Variants in SRL observed in about 807,000 individuals in gnomAD.
SRL encodes sarcalumenin.
In SRL, 23 loss-of-function variants were observed where a neutral mutation model predicts 39.5. The observed-to-expected ratio is 0.58, with a 90% CI of 0.42 to 0.82. The LOEUF is 0.82. Ranked by LOEUF, SRL falls within the 40% of genes least tolerant of loss-of-function variation. The pLI is 0.00. For synonymous variants in SRL, 272 were observed against 237.4 expected, an observed-to-expected ratio of 1.15 and a Z score of -1.34; for missense variants, 592 against 607.8, an observed-to-expected ratio of 0.97 and a Z score of 0.27.
At position 4,192,109 on chromosome 16, in the gene SRL, C is replaced by T. The variant is rs762042796; in HGVS notation, c.*44G>A. 3.6e-5 allele frequency: 55 copies of T among 1,516,774 alleles called. No homozygotes were observed. Among genetic ancestry groups the T allele is most frequent in the Non-Finnish European group, 4.4e-5 (50 of 1,132,538 alleles). 94.0% of individuals were successfully genotyped at this position (1,516,774 alleles called of 1,614,324 possible). A position where few individuals can be genotyped will look rare whatever the true frequency, so the allele number is the denominator to read the frequency against. On this transcript the variant is annotated 3_prime_UTR_variant, in exon 6 of 6. Transcript: ENST00000399609. This position sits in a 1 kb window ranked among gnomAD's most constrained non-coding sequence, Gnocchi z 4.0. ...ACCAGGACCTCTCAGACAGTTAGGA[C>T]ACAAGCTGATTCACCAACAGGAACC... is the stretch of plus-strand genomic sequence containing the variant.
chr16:4,236,544 A>T (rs1567192524), intron 1 of SRL, among the ~76,000 whole-genome samples: 1 of 151,874 alleles, frequency 6.6e-6, no homozygotes, highest in African/African-American at 2.4e-5. Context: ...CTCACTCCTA[A>T]ATGCCCTGAC....
chr16:4,210,486 C>CTTTTTTTTT lies in SRL; in HGVS notation c.62-5861_62-5853dup, dbSNP rs555999418. Among the ~76,000 whole-genome samples the CTTTTTTTTT allele has an allele frequency of 1.7e-3, 181 of 103,978 alleles. 9 individuals are homozygous for CTTTTTTTTT. Among genetic ancestry groups the CTTTTTTTTT allele is most frequent in the African/African-American group, 2.3e-3 (57 of 24,434 alleles). The allele number at this position is 103,978 out of a possible 152,430, so 68.2% of individuals were successfully genotyped here. On this transcript the variant is annotated intron_variant, in intron 1 of 5. Transcript: ENST00000399609. ...TTGGTAAAATGAGTATTACTCATAT[C>CTTTTTTTTT]TTTTTTTTTTTTTTTTTTTTTGAGA...
intron 1 of SRL, among the ~76,000 whole-genome samples, chr16:4,231,854 TA>T (rs2052662813): frequency 6.6e-6 from 1 of 152,220 alleles, no homozygotes; most frequent in Non-Finnish European, 1.5e-5. Context: ...CTTTTAAGCT[TA>T]GAAAGTATCT....
intron 1 of SRL, chr16:4,207,803 C>T (rs955662608): frequency 8.8e-6 from 4 of 455,840 alleles, no homozygotes; most frequent in Non-Finnish European, 1.8e-5. Context: ...CATTCTTTTC[C>T]TCCCCAGGCC....
chr16:4,233,549 T>C (rs543768783), intron 1 of SRL, among the ~76,000 whole-genome samples: 12 of 152,136 alleles, frequency 7.9e-5, no homozygotes, highest in South Asian at 4.1e-4. Flanking sequence ...AGAGTGAGCA[T>C]AGACTGCTGG....
At chr16:4,195,516 C>G in intron 5 of SRL, 37 bp downstream of exon 5, 1 of 1,588,996 alleles carries the variant, frequency 6.3e-7, no homozygotes, top group Non-Finnish European at 8.6e-7. Context: ...TTTTTTGAAA[C>G]AGAGCTTACA....
chr16:4,224,615 G>A (rs1466619701), intron 1 of SRL, among the ~76,000 whole-genome samples: 1 of 152,042 alleles, frequency 6.6e-6, no homozygotes, highest in Non-Finnish European at 1.5e-5. Context: ...GGAGGCTGAG[G>A]CGGGAGGATG....
intron 1 of SRL, among the ~76,000 whole-genome samples, chr16:4,209,278 A>G (rs1567180545): frequency 1.3e-5 from 2 of 151,900 alleles, no homozygotes; most frequent in Non-Finnish European, 2.9e-5. Flanking sequence ...ATCTCAAAAA[A>G]AAAAAGAAAA....
chr16:4,223,089 G>C (rs1406838992), intron 1 of SRL, among the ~76,000 whole-genome samples: 1 of 151,858 alleles, frequency 6.6e-6, no homozygotes, highest in African/African-American at 2.4e-5. Context: ...AAAATTAGCC[G>C]GGCATGGTGA....
At chr16:4,231,577 C>A (rs1465328822) in intron 1 of SRL, among the ~76,000 whole-genome samples, 1 of 152,162 alleles carries the variant, frequency 6.6e-6, no homozygotes, top group Non-Finnish European at 1.5e-5. Flanking sequence ...CCTTTCTCTG[C>A]ACTCTCAGGC....
chr16:4,201,552 TA>T lies in SRL; in HGVS notation c.259+1613del, dbSNP rs1175321240. Among the ~76,000 whole-genome samples, 2 of 137,512 alleles carry T rather than the reference TA, an allele frequency of 1.5e-5. 1 individual carries two copies. The highest frequency in any genetic ancestry group is 3.1e-5 in the Non-Finnish European group (2 of 64,494). The allele number at this position is 137,512 out of a possible 152,430, so 90.2% of individuals were successfully genotyped here. On this transcript the variant is annotated intron_variant, in intron 3 of 5. Transcript: ENST00000399609. Reference sequence around the variant, plus strand: ...TCAGCCTCCCAAACTGCTGGGACTATAGGTGTGAGCCACTGTGCCCGGCCAT... The same window carrying T: ...TCAGCCTCCCAAACTGCTGGGACTATGGTGTGAGCCACTGTGCCCGGCCAT...
intron 1 of SRL, among the ~76,000 whole-genome samples, chr16:4,225,383 G>A (rs949324416): frequency 1.3e-5 from 2 of 152,106 alleles, no homozygotes; most frequent in Non-Finnish European, 2.9e-5. Flanking sequence ...AGGAGTTCAA[G>A]ATCAGCCTGG....
At chr16:4,221,205 T>G (rs541347757) in intron 1 of SRL, among the ~76,000 whole-genome samples, 1 of 152,008 alleles carries the variant, frequency 6.6e-6, no homozygotes, top group Non-Finnish European at 1.5e-5. Context: ...CATGCCACCA[T>G]GTCCAGCTAA....
chr16:4,214,513 C>A (rs1384179190), intron 1 of SRL, among the ~76,000 whole-genome samples: 5 of 152,198 alleles, frequency 3.3e-5, no homozygotes, highest in Non-Finnish European at 7.3e-5. Flanking sequence ...ATGTGAGCCC[C>A]ATGTCTTGCC....
intron 1 of SRL, chr16:4,207,920 G>A (rs1358224476): frequency 2.2e-6 from 1 of 456,764 alleles, no homozygotes; most frequent in East Asian, 7.0e-5. Context: ...CAGACGCGGG[G>A]GTCTTCTTGG....
intron 3 of SRL, among the ~76,000 whole-genome samples, chr16:4,202,000 A>G (rs2052240464): frequency 6.6e-6 from 1 of 151,974 alleles, no homozygotes; most frequent in South Asian, 2.1e-4. Flanking sequence ...TATGTTTCCC[A>G]GGCTGGTCTC....
intron 1 of SRL, among the ~76,000 whole-genome samples, chr16:4,237,524 G>A (rs547074993): frequency 2.6e-5 from 4 of 152,216 alleles, no homozygotes; most frequent in Admixed American, 1.3e-4. Flanking sequence ...ACTGCCAGAC[G>A]GATCTTCCCT....
intron 4 of SRL, among the ~76,000 whole-genome samples, chr16:4,197,249 T>C (rs1352307441): frequency 1.3e-5 from 2 of 151,476 alleles, no homozygotes; most frequent in East Asian, 3.9e-4. Flanking sequence ...TTTGTATTTT[T>C]AGTAGAGACG....
In SRL at chr16:4,221,589, G is replaced by T. The variant is rs559527962; in HGVS notation, c.62-16955C>A. ...CTTAGTGGGCCGGCCTGGCCAAAGG[G>T]TCCCACTCAGCCCTGGTCAAAAAAG... On this transcript the variant is annotated intron_variant, in intron 1 of 5. Transcript: ENST00000399609. Among the ~76,000 whole-genome samples the T allele has an allele frequency of 5.9e-5, 9 of 152,300 alleles. No homozygotes were observed. In the South Asian group the frequency reaches 1.9e-3, roughly 32 times the overall value.
Sources: allele counts gnomAD v4.1 joint callset (sites outside exome capture counted in the v4.1 genomes callset), GRCh38; gene constraint gnomAD v4.1.1; non-coding constraint Gnocchi (gnomAD v3.1); transcripts MANE v1.5; gene names NCBI Gene and HGNC (gene_info 2026-07-23, HGNC 2026-07-21).